NAALADL2: variants seen among roughly 807,000 people sequenced by gnomAD.
NAALADL2 encodes the protein N-acetylated alpha-linked acidic dipeptidase like 2, also known as inactive N-acetylated-alpha-linked acidic dipeptidase-like protein 2.
NAALADL2 carries 76 observed loss-of-function variants against 87.2 expected under a neutral mutation model. That is an observed-to-expected ratio of 0.87 (90% CI 0.72 to 1.05). The LOEUF (loss-of-function observed/expected upper bound fraction) is 1.05. NAALADL2 is among the 50% of genes least tolerant of loss of function. The probability of loss-of-function intolerance (pLI) is 0.00; values close to 1 mark genes in which losing one functional copy is unlikely to be tolerated. For missense variants in NAALADL2, 1,089 were observed against 945.8 expected (o/e 1.15, Z -1.99); for synonymous variants, 354 against 331.0 (o/e 1.07, Z -0.75).
chr3:175,036,984 T>G (rs888786634), intron 1 of NAALADL2, among the ~76,000 whole-genome samples: 8 of 152,050 alleles, frequency 5.3e-5, no homozygotes, highest in African/African-American at 1.9e-4. Context: ...AGCTACTCTC[T>G]CATACACAGG....
At chr3:175,098,530 A>G (rs1721556529) in intron 2 of NAALADL2, among the ~76,000 whole-genome samples, 1 of 152,102 alleles carries the variant, frequency 6.6e-6, no homozygotes. Context: ...TCAGCTGGAG[A>G]CACCACTGAA....
intron 1 of NAALADL2, chr3:174,864,171 G>A: frequency 2.4e-6 from 1 of 412,610 alleles, no homozygotes; most frequent in South Asian, 1.7e-5. Context: ...ACAAGAGAGG[G>A]TCTTTGCAGC....
At chr3:174,972,625 T>C (rs756514452) in intron 1 of NAALADL2, among the ~76,000 whole-genome samples, 5 of 152,180 alleles carry the variant, frequency 3.3e-5, no homozygotes, top group Non-Finnish European at 7.3e-5. Context: ...TTTAAAGTAC[T>C]GAGTGTTAGG....
At chr3:174,834,502 C>T (rs1046589346) in intron 3 of NAALADL2, among the ~76,000 whole-genome samples, 11 of 151,872 alleles carry the variant, frequency 7.2e-5, no homozygotes, top group African/African-American at 2.2e-4. Flanking sequence ...TGAAAAGAAG[C>T]ATGTAAACTT....
intron 13 of NAALADL2, among the ~76,000 whole-genome samples, chr3:175,784,592 CTTT>C (rs1373299006): frequency 7.0e-6 from 1 of 143,826 alleles, no homozygotes; most frequent in Non-Finnish European, 1.5e-5. Context: ...ATTCTTCTCT[CTTT>C]TTTTCTTTAT....
chr3:175,790,329 A>G (rs926832361), intron 13 of NAALADL2, among the ~76,000 whole-genome samples: 13 of 152,218 alleles, frequency 8.5e-5, no homozygotes, highest in African/African-American at 3.1e-4. Flanking sequence ...CCAGTTCATG[A>G]GAGTTGGAAC....
chr3:175,280,223 T>C (rs534887311), intron 4 of NAALADL2, among the ~76,000 whole-genome samples: 45 of 152,150 alleles, frequency 3.0e-4, no homozygotes, highest in Non-Finnish European at 4.6e-4. Context: ...TTCAATTTTA[T>C]ATCGATTTCC....
intron 1 of NAALADL2, among the ~76,000 whole-genome samples, chr3:175,084,851 T>C (rs1718567596): frequency 6.6e-6 from 1 of 152,150 alleles, no homozygotes; most frequent in African/African-American, 2.4e-5. Context: ...CATAGGCAGT[T>C]GGTAGCCATG....
At chr3:174,587,522 C>T (rs1397518044) in intron 2 of NAALADL2, among the ~76,000 whole-genome samples, 1 of 152,122 alleles carries the variant, frequency 6.6e-6, no homozygotes, top group African/African-American at 2.4e-5. Flanking sequence ...ACCTGTTGTT[C>T]CTTTCCATGT....
chr3:174,691,327 G>A (rs192498117), intron 2 of NAALADL2, among the ~76,000 whole-genome samples: 318 of 151,962 alleles, frequency 2.1e-3, no homozygotes, highest in Middle Eastern at 6.8e-3. Flanking sequence ...CAGGAGAATC[G>A]CTTGAACCCG....
At chr3:175,436,264 G>T (rs1471633033) in intron 5 of NAALADL2, among the ~76,000 whole-genome samples, 1 of 145,268 alleles carries the variant, frequency 6.9e-6, no homozygotes, top group Non-Finnish European at 1.5e-5. Context: ...TGGACATTTG[G>T]GTTGGTTCCA....
At chr3:175,690,370 A>C (rs1001237038) in intron 11 of NAALADL2, among the ~76,000 whole-genome samples, 5 of 152,120 alleles carry the variant, frequency 3.3e-5, no homozygotes, top group South Asian at 2.1e-4. Context: ...GTCAGAAGAT[A>C]TGTAGTACAG....
At chr3:175,348,053 T>C (rs1638406613) in intron 5 of NAALADL2, among the ~76,000 whole-genome samples, 1 of 152,106 alleles carries the variant, frequency 6.6e-6, no homozygotes, top group South Asian at 2.1e-4. Context: ...TAGGTTTCTT[T>C]TGTTTTGTTT....
At chr3:175,594,649 G>A (rs1722003723) in intron 10 of NAALADL2, among the ~76,000 whole-genome samples, 1 of 152,014 alleles carries the variant, frequency 6.6e-6, no homozygotes, top group Admixed American at 6.6e-5. Context: ...CCTTTTGTCT[G>A]CATTTTTGCC....
At chr3:174,467,481 T>C (rs2108302846) in intron 1 of NAALADL2, among the ~76,000 whole-genome samples, 1 of 151,130 alleles carries the variant, frequency 6.6e-6, no homozygotes, top group East Asian at 2.0e-4. Flanking sequence ...TAATCCCAGC[T>C]ACTCGGGAAG....
At chr3:175,022,911 G>A (rs942671611) in intron 1 of NAALADL2, among the ~76,000 whole-genome samples, 1 of 152,110 alleles carries the variant, frequency 6.6e-6, no homozygotes, top group African/African-American at 2.4e-5. Context: ...ATACAAAGAT[G>A]AGTGTGATAC....
At chr3:175,700,347 T>C (rs1289389243) in intron 11 of NAALADL2, among the ~76,000 whole-genome samples, 1 of 152,072 alleles carries the variant, frequency 6.6e-6, no homozygotes, top group Non-Finnish European at 1.5e-5. Flanking sequence ...AACTTTTTTG[T>C]CCATGAATAA....
At chr3:174,935,207 C>T (rs181329479) in intron 1 of NAALADL2, among the ~76,000 whole-genome samples, 2,031 of 152,200 alleles carry the variant, frequency 0.013, 19 homozygotes, top group Non-Finnish European at 0.022. Flanking sequence ...TGTTCTGACT[C>T]AGCAAGTGTT....
intron 5 of NAALADL2, among the ~76,000 whole-genome samples, chr3:175,349,615 C>G (rs1581529166): frequency 6.6e-6 from 1 of 152,054 alleles, no homozygotes; most frequent in African/African-American, 2.4e-5. Flanking sequence ...ACCTTTTCTT[C>G]TCTTGCTCCT....
Sources: allele counts gnomAD v4.1 joint callset (sites outside exome capture counted in the v4.1 genomes callset), GRCh38; gene constraint gnomAD v4.1.1; transcripts MANE v1.5; gene names NCBI Gene and HGNC (gene_info 2026-07-23, HGNC 2026-07-21).